Variants in PDZRN3 observed in about 807,000 individuals in gnomAD.
PDZRN3 encodes the protein E3 ubiquitin-protein ligase PDZRN3.
Under a neutral mutation model 85.7 loss-of-function variants are expected in PDZRN3, and 38 were observed. The ratio of observed to expected loss-of-function variants is 0.44; its 90% CI spans 0.34 to 0.58. The LOEUF is 0.58. Ranked by LOEUF, PDZRN3 falls within the 20% of genes least tolerant of loss-of-function variation. The probability of loss-of-function intolerance (pLI) is 0.01; values close to 1 mark genes in which losing one functional copy is unlikely to be tolerated. For missense variants in PDZRN3, 1,629 were observed against 1,506.4 expected (o/e 1.08, Z -1.35); for synonymous variants, 759 against 638.0 (o/e 1.19, Z -2.86).
intron 1 of PDZRN3, among the ~76,000 whole-genome samples, chr3:73,619,924 GAC>G (rs1702828505): frequency 6.6e-6 from 1 of 152,242 alleles, no homozygotes; most frequent in Admixed American, 6.5e-5. Context: ...GAGTGTCTGA[GAC>G]AAAGGCCAAT....
chr3:73,409,310 G>A (rs892646068), intron 3 of PDZRN3, among the ~76,000 whole-genome samples: 5 of 152,152 alleles, frequency 3.3e-5, no homozygotes, highest in African/African-American at 4.8e-5. Context: ...AATTTGGGCC[G>A]GAATAACATT....
chr3:73,524,845 C>T (rs1704483510), intron 3 of PDZRN3, among the ~76,000 whole-genome samples: 2 of 151,808 alleles, frequency 1.3e-5, no homozygotes, highest in Admixed American at 1.3e-4. Context: ...GGAGGTGAAA[C>T]ATACCACAGA....
intron 5 of PDZRN3, among the ~76,000 whole-genome samples, chr3:73,391,823 G>A (rs936362219): frequency 1.3e-5 from 2 of 152,140 alleles, no homozygotes; most frequent in East Asian, 1.9e-4. Flanking sequence ...AGTGTAACCA[G>A]GCTAAGTCAC....
At chr3:73,563,163 T>C (rs1321346548) in intron 3 of PDZRN3, among the ~76,000 whole-genome samples, 3 of 149,062 alleles carry the variant, frequency 2.0e-5, no homozygotes, top group South Asian at 2.2e-4. Flanking sequence ...GGAATACAGG[T>C]GCCCGCCACC....
intron 3 of PDZRN3, among the ~76,000 whole-genome samples, chr3:73,499,683 AGGTG>A (rs911907715): frequency 6.6e-6 from 1 of 152,154 alleles, no homozygotes; most frequent in Non-Finnish European, 1.5e-5. Flanking sequence ...CCAAAGCCTG[AGGTG>A]GTGGTGGTGG....
intron 3 of PDZRN3, among the ~76,000 whole-genome samples, chr3:73,480,608 C>A (rs933597355): frequency 1.3e-5 from 2 of 152,182 alleles, no homozygotes; most frequent in African/African-American, 4.8e-5. Context: ...TACCCCATCA[C>A]CCAGAGTGCA....
chr3:73,444,966 G>A (rs932810959), intron 3 of PDZRN3, among the ~76,000 whole-genome samples: 4 of 152,180 alleles, frequency 2.6e-5, no homozygotes, highest in African/African-American at 9.7e-5. Context: ...CATGAATGGC[G>A]GTCTTGAGGG....
intron 3 of PDZRN3, among the ~76,000 whole-genome samples, chr3:73,553,235 G>A (rs955000826): frequency 5.3e-5 from 8 of 152,090 alleles, no homozygotes; most frequent in South Asian, 2.1e-4. Context: ...TAATTAACAC[G>A]GTTGACACAA....
chr3:73,456,014 CTT>C (rs1326007616), intron 3 of PDZRN3, among the ~76,000 whole-genome samples: 1 of 152,190 alleles, frequency 6.6e-6, no homozygotes, highest in East Asian at 1.9e-4. Flanking sequence ...TTCTGGGTAT[CTT>C]ATAAAATAGT....
chr3:73,413,928 A>G (rs1277608028), intron 3 of PDZRN3, among the ~76,000 whole-genome samples: 1 of 152,192 alleles, frequency 6.6e-6, no homozygotes, highest in Non-Finnish European at 1.5e-5. Flanking sequence ...TATGTTTAAC[A>G]AGCAGGATGG....
At chr3:73,520,322 T>C (rs1339029426) in intron 3 of PDZRN3, among the ~76,000 whole-genome samples, 1 of 151,950 alleles carries the variant, frequency 6.6e-6, no homozygotes, top group Non-Finnish European at 1.5e-5. Flanking sequence ...CTGGGCAACA[T>C]GGTGAGGCCT....
At chr3:73,436,634 T>C (rs1242901224) in intron 3 of PDZRN3, among the ~76,000 whole-genome samples, 1 of 152,180 alleles carries the variant, frequency 6.6e-6, no homozygotes, top group African/African-American at 2.4e-5. Flanking sequence ...TTTTTACTCT[T>C]TGTTAGAAAG....
intron 3 of PDZRN3, among the ~76,000 whole-genome samples, chr3:73,462,479 A>G (rs1703125576): frequency 7.0e-6 from 1 of 142,998 alleles, no homozygotes; most frequent in Non-Finnish European, 1.5e-5. Flanking sequence ...TGGGAGGCAG[A>G]GCTTGCCGTG....
chr3:73,427,330 G>A (rs775175555), intron 3 of PDZRN3, among the ~76,000 whole-genome samples: 10 of 152,178 alleles, frequency 6.6e-5, no homozygotes, highest in Non-Finnish European at 1.5e-4. Context: ...GAGAGTGAAG[G>A]CTGTTCCCTG....
intron 1 of PDZRN3, among the ~76,000 whole-genome samples, chr3:73,616,439 C>T (rs1186121999): frequency 6.6e-6 from 1 of 152,164 alleles, no homozygotes; most frequent in Non-Finnish European, 1.5e-5. Context: ...AAAACATAAA[C>T]AACTCTGTAA....
chr3:73,495,169 C>T (rs2106670257), intron 3 of PDZRN3, among the ~76,000 whole-genome samples: 1 of 152,236 alleles, frequency 6.6e-6, no homozygotes, highest in South Asian at 2.1e-4. Flanking sequence ...AATCACTTTA[C>T]CCTGAAAAAC....
intron 3 of PDZRN3, among the ~76,000 whole-genome samples, chr3:73,470,720 G>T (rs556096907): frequency 6.6e-6 from 1 of 152,306 alleles, no homozygotes; most frequent in South Asian, 2.1e-4. Context: ...GTCACCTAGA[G>T]CTGAAGCCAC....
intron 3 of PDZRN3, among the ~76,000 whole-genome samples, chr3:73,460,922 T>C (rs759944519): frequency 3.3e-5 from 5 of 152,090 alleles, no homozygotes; most frequent in Non-Finnish European, 5.9e-5. Context: ...GCCTCCTGAG[T>C]AGCTGGGACT....
At chr3:73,430,665 TTTCCCATCC>T (rs1249907618) in intron 3 of PDZRN3, among the ~76,000 whole-genome samples, 2 of 152,106 alleles carry the variant, frequency 1.3e-5, no homozygotes, top group African/African-American at 2.4e-5. Flanking sequence ...AGCCACAGAC[TTTCCCATCC>T]TTACACCCCC....
Sources: allele counts gnomAD v4.1 joint callset (sites outside exome capture counted in the v4.1 genomes callset), GRCh38; gene constraint gnomAD v4.1.1; transcripts MANE v1.5; gene names NCBI Gene and HGNC (gene_info 2026-07-23, HGNC 2026-07-21).